The following GRID2 variants were observed in gnomAD, a reference collection of about 807,000 sequenced individuals.
GRID2 encodes glutamate ionotropic receptor delta type subunit 2.
A neutral mutation model predicts 114.8 loss-of-function variants in GRID2; 33 were observed. That is an observed-to-expected ratio of 0.29 (90% CI 0.22 to 0.38). GRID2 has a LOEUF of 0.38. Ranked by LOEUF, GRID2 falls within the 10% of genes least tolerant of loss-of-function variation. The probability of loss-of-function intolerance (pLI) is 1.00; values close to 1 mark genes in which losing one functional copy is unlikely to be tolerated. For synonymous variants in GRID2, 505 were observed against 449.9 expected (o/e 1.12, Z -1.55); for missense variants, 1,184 against 1,257.7 (o/e 0.94, Z 0.89).
rs1346752946 is a variant in GRID2, at chr4:93,184,881, G to GA, written c.736-22515dup. ...TGGGCAACAGAGCAAGACTCTGTCT[G>GA]AAAAAAAACACAAAAAACAAAATAA... On this transcript the variant is annotated intron_variant, in intron 4 of 15. Coordinates refer to ENST00000282020, the MANE Select transcript of GRID2 (RefSeq NM_001510.4). Among the ~76,000 whole-genome samples, 8 of 151,444 alleles carry GA rather than the reference G, an allele frequency of 5.3e-5. No homozygotes were observed. The East Asian group carries it at 5.8e-4, about 11-fold the overall frequency.
intron 1 of GRID2, among the ~76,000 whole-genome samples, chr4:92,483,456 A>G (rs1176749574): frequency 2.6e-5 from 4 of 152,172 alleles, no homozygotes; most frequent in Non-Finnish European, 4.4e-5. Context: ...CCCCTTTTCA[A>G]GTGATGTCAT....
intron 8 of GRID2, among the ~76,000 whole-genome samples, chr4:93,341,708 C>T (rs1285199359): frequency 6.6e-6 from 1 of 152,052 alleles, no homozygotes; most frequent in Non-Finnish European, 1.5e-5. Flanking sequence ...GTGGAGTAGA[C>T]CAATGGCCAC....
chr4:92,348,817 A>T (rs532693762), intron 1 of GRID2, among the ~76,000 whole-genome samples: 1 of 152,292 alleles, frequency 6.6e-6, no homozygotes, highest in South Asian at 2.1e-4. Flanking sequence ...GTTTAAATTA[A>T]GTAAACAAAC....
chr4:93,195,962 C>T (rs950479607), intron 4 of GRID2, among the ~76,000 whole-genome samples: 2 of 152,116 alleles, frequency 1.3e-5, no homozygotes, highest in African/African-American at 4.8e-5. Flanking sequence ...TTCTAGAATT[C>T]TGCTCTGCAA....
intron 2 of GRID2, among the ~76,000 whole-genome samples, chr4:93,053,634 A>G (rs913301091): frequency 2.0e-5 from 3 of 151,992 alleles, no homozygotes; most frequent in African/African-American, 7.2e-5. Context: ...TAAGAGTCAT[A>G]TTTGCATAGC....
chr4:93,183,174 A>G (rs1740063262), intron 4 of GRID2, among the ~76,000 whole-genome samples: 1 of 151,718 alleles, frequency 6.6e-6, no homozygotes, highest in Non-Finnish European at 1.5e-5. Context: ...ATAATATCTC[A>G]ATTTTCACTG....
Position 92,765,444 on chromosome 4 carries a change from G to C in GRID2, c.244+175158G>C, listed in dbSNP as rs563530890. Among the ~76,000 whole-genome samples the C allele has an allele frequency of 3.3e-5, 5 of 152,216 alleles. No individual in the cohort carries two copies. The South Asian group carries it at 1.0e-3, about 32-fold the overall frequency. On this transcript the variant is annotated intron_variant, in intron 2 of 15. Transcript: ENST00000282020. ...GGAAATGCATTTGGAAGCTGTCGTT[G>C]ATCTCCAGGAAGGACTGTTGCTGCT...
intron 11 of GRID2, among the ~76,000 whole-genome samples, chr4:93,482,230 C>T (rs1359975181): frequency 6.6e-6 from 1 of 151,996 alleles, no homozygotes; most frequent in Admixed American, 6.6e-5. Flanking sequence ...TATAAAGACA[C>T]ATACACATAT....
At chr4:92,655,875 TG>T (rs1385248816) in intron 2 of GRID2, among the ~76,000 whole-genome samples, 2 of 151,756 alleles carry the variant, frequency 1.3e-5, no homozygotes, top group Non-Finnish European at 2.9e-5. Context: ...CTTTCCTGAT[TG>T]CACTGGCTAA....
intron 1 of GRID2, among the ~76,000 whole-genome samples, chr4:92,412,603 A>AT (rs1418533189): frequency 6.6e-6 from 1 of 152,076 alleles, no homozygotes; most frequent in Non-Finnish European, 1.5e-5. Flanking sequence ...AGCACATCTC[A>AT]TTTTTTCCTA....
At chr4:93,747,128 C>T (rs562194637) in intron 14 of GRID2, among the ~76,000 whole-genome samples, 15 of 152,086 alleles carry the variant, frequency 9.9e-5, no homozygotes, top group Admixed American at 2.0e-4. Flanking sequence ...CTTATTCCAC[C>T]GAAACACAGT....
chr4:92,705,472 C>G (rs1236013309), intron 2 of GRID2, among the ~76,000 whole-genome samples: 1 of 152,150 alleles, frequency 6.6e-6, no homozygotes, highest in Non-Finnish European at 1.5e-5. Flanking sequence ...CCTTTTGACA[C>G]TCTGGGGCAT....
Position 93,676,944 on chromosome 4 carries a change from C to T in GRID2, c.2360+50509C>T, listed in dbSNP as rs190239359. Among the ~76,000 whole-genome samples, 138 of 152,084 alleles carry T rather than the reference C, an allele frequency of 9.1e-4. 1 individual carries two copies. In the East Asian group the frequency reaches 0.018, roughly 20 times the overall value. The stretch of plus-strand genomic sequence containing the variant: ...AGTGGGAGCAGGACAGTGGGTGCAG[C>T]GCTCCATGCACGAGCCGAAGCAGGA... On this transcript the variant is annotated intron_variant, in intron 14 of 15. Transcript: ENST00000282020.
In GRID2 at chr4:92,894,583, T is replaced by C. The variant is rs547350224; in HGVS notation, c.245-190412T>C. ...ATCTGGAGCTTAATTAATAGAAGGATAGATTTTAGGCAAAAACAGGTAATA... is the reference window on the plus strand; with the variant it reads ...ATCTGGAGCTTAATTAATAGAAGGACAGATTTTAGGCAAAAACAGGTAATA... On this transcript the variant is annotated intron_variant, in intron 2 of 15. Transcript: ENST00000282020. 6.6e-5 allele frequency among the ~76,000 whole-genome samples: 10 copies of C among 152,276 alleles called. No homozygotes were observed. The South Asian group carries it at 2.1e-3, about 32-fold the overall frequency.
At chr4:92,693,875 A>G (rs1443863726) in intron 2 of GRID2, among the ~76,000 whole-genome samples, 1 of 152,218 alleles carries the variant, frequency 6.6e-6, no homozygotes. Context: ...AATATATGAT[A>G]TTACACGTTA....
At chr4:93,398,835 A>C (rs1418917753) in intron 9 of GRID2, among the ~76,000 whole-genome samples, 1 of 150,034 alleles carries the variant, frequency 6.7e-6, no homozygotes. Flanking sequence ...TTATTACATT[A>C]CTACAATATA....
At chr4:92,364,216 T>C (rs919296081) in intron 1 of GRID2, among the ~76,000 whole-genome samples, 3 of 152,092 alleles carry the variant, frequency 2.0e-5, no homozygotes, top group Non-Finnish European at 2.9e-5. Context: ...AAACACTGCT[T>C]GTAGCCTCTG....
chr4:92,999,913 T>C (rs1755433779), intron 2 of GRID2, among the ~76,000 whole-genome samples: 1 of 151,704 alleles, frequency 6.6e-6, no homozygotes. Flanking sequence ...ACGAACTTTA[T>C]TCATCAGGAA....
At chr4:93,040,112 C>A (rs888155725) in intron 2 of GRID2, among the ~76,000 whole-genome samples, 1 of 151,844 alleles carries the variant, frequency 6.6e-6, no homozygotes, top group Non-Finnish European at 1.5e-5. Context: ...GTTCTGTGTT[C>A]TTTTAAAATT....
Sources: allele counts gnomAD v4.1 joint callset (sites outside exome capture counted in the v4.1 genomes callset), GRCh38; gene constraint gnomAD v4.1.1; transcripts MANE v1.5; gene names NCBI Gene and HGNC (gene_info 2026-07-23, HGNC 2026-07-21).